TCHP: variants seen among roughly 807,000 people sequenced by gnomAD.
TCHP encodes the protein trichoplein keratin filament binding.
TCHP carries 81 observed loss-of-function variants against 88.7 expected under a neutral mutation model. That is an observed-to-expected ratio of 0.91 (90% confidence interval 0.76 to 1.10). TCHP has a LOEUF of 1.10. Ranked by LOEUF, TCHP falls within the 50% of genes least tolerant of loss-of-function variation. The pLI is 0.00. For synonymous variants in TCHP, 232 were observed against 232.5 expected (o/e 1.00, Z 0.02); for missense variants, 641 against 632.1 (o/e 1.01, Z -0.15).
At position 109,903,118 on chromosome 12, in the gene TCHP, G is replaced by A. The variant is rs774736146; in HGVS notation, c.92G>A (p.Arg31Gln). The part of the protein sequence containing the change: ...ARQREQEARL[R>Q]QQWEQNSRYF... Reference sequence around the variant, plus strand: ...CAGCGAGAGCAGGAGGCCCGGCTTCGGCAGCAGTGGGAGCAGAACAGCCGT... The same window carrying A: ...CAGCGAGAGCAGGAGGCCCGGCTTCAGCAGCAGTGGGAGCAGAACAGCCGT... Residue 31 changes from arginine (R) to glutamine (Q), a missense_variant, in exon 2 of 13, where the codon CGG becomes CAG. By Grantham distance (43) the Arg-to-Gln change is conservative (BLOSUM62 1). Transcript: ENST00000405876. This position sits in a 1 kb window ranked among gnomAD's most constrained non-coding sequence, Gnocchi z 4.6. 4 of 1,613,788 alleles carry A rather than the reference G, an allele frequency of 2.5e-6. No homozygotes were observed. Among genetic ancestry groups the A allele is most frequent in the East Asian group, 2.2e-5 (1 of 44,888 alleles).
the TCHP span, chr12:109,880,872 G>T: frequency 6.6e-6 from 1 of 152,310 alleles, no homozygotes; most frequent in East Asian, 1.9e-4. This position sits in a 1 kb window ranked among gnomAD's most constrained non-coding sequence, Gnocchi z 5.1. Flanking sequence ...CAGGACCCCC[G>T]TTTCCCCCAA....
the TCHP span, among the ~76,000 whole-genome samples, chr12:109,883,105 C>G: frequency 1.8e-4 from 27 of 150,524 alleles, no homozygotes; most frequent in African/African-American, 5.9e-4. Context: ...GTGATCACAG[C>G]TCCCTGCAGC....
chr12:109,898,470 A>G (rs1034298385), upstream of TCHP, among the ~76,000 whole-genome samples: 26 of 152,208 alleles, frequency 1.7e-4, no homozygotes, highest in Admixed American at 6.5e-5. Context: ...TTGGCCTCCC[A>G]AAGTGCTGGG....
Position 109,907,629 on chromosome 12 carries a change from A to G in TCHP, c.629A>G (p.Gln210Arg). The change falls in exon 6 of 13, where the codon CAG becomes CGG. Residue 210 changes from glutamine to arginine, a missense_variant. Coordinates refer to ENST00000405876, the MANE Select transcript of TCHP (RefSeq NM_001143852.2). ...ATGAAAGCTGAAGAGGAGAGGAGGC[A>G]GCTGGAGGACAAGCTCCAGGCCGAG... Reference protein sequence around the residue: ...ERMKAEEERRQLEDKLQAEAL... With the variant: ...ERMKAEEERRRLEDKLQAEAL... 1 of 1,614,204 alleles carries G rather than the reference A, an allele frequency of 6.2e-7. No homozygotes were observed. The highest frequency in any genetic ancestry group is 8.5e-7 in the Non-Finnish European group (1 of 1,180,034).
At chr12:109,885,583 C>T in the TCHP span, among the ~76,000 whole-genome samples, 2 of 149,490 alleles carry the variant, frequency 1.3e-5, no homozygotes, top group African/African-American at 4.9e-5. Context: ...TCCAGGTTCG[C>T]GCCATTCTCC....
the TCHP span, among the ~76,000 whole-genome samples, chr12:109,882,946 C>T: frequency 5.3e-5 from 8 of 151,658 alleles, no homozygotes; most frequent in African/African-American, 1.5e-4. Context: ...TGTGAACCAC[C>T]GCGCCTGGCC....
chr12:109,914,820 G>T (rs1054927292), intron 11 of TCHP, 193 bp downstream of exon 11: 1 of 553,774 alleles, frequency 1.8e-6, no homozygotes, highest in Non-Finnish European at 3.2e-6. Context: ...CCTCCATGTC[G>T]TGTGGGTGAG....
At chr12:109,904,672 T>G (rs1592906958) in intron 3 of TCHP, 65 bp from the exon 4 acceptor site, 2 of 1,496,378 alleles carry the variant, frequency 1.3e-6, no homozygotes, top group East Asian at 4.5e-5. Context: ...CCACTGTGTG[T>G]CATCCAAAAT....
upstream of TCHP, among the ~76,000 whole-genome samples, chr12:109,895,633 T>C (rs905028412): frequency 3.3e-5 from 5 of 151,992 alleles, no homozygotes; most frequent in Non-Finnish European, 7.4e-5. Flanking sequence ...TGGGGTGGGG[T>C]GTGAAGCAAG....
At position 109,905,381 on chromosome 12, in the gene TCHP, G is replaced by A. The variant is rs1368422092; in HGVS notation, c.456+588G>A. Among the ~76,000 whole-genome samples the A allele has an allele frequency of 6.6e-6, 1 of 152,182 alleles. No individual in the cohort carries two copies. The highest frequency in any genetic ancestry group is 2.4e-5 in the African/African-American group (1 of 41,436). Reference sequence around the variant, plus strand: ...GGCGAGGCAGAGGGTGCCAGACATCGGAAGAGCTTGTGTGACCTTCCTCCA... The same window carrying A: ...GGCGAGGCAGAGGGTGCCAGACATCAGAAGAGCTTGTGTGACCTTCCTCCA... On this transcript the variant is annotated intron_variant, in intron 4 of 12. Transcript: ENST00000405876. This position sits in a 1 kb window ranked among gnomAD's most constrained non-coding sequence, Gnocchi z 4.0.
At chr12:109,892,039 T>A in the TCHP span, among the ~76,000 whole-genome samples, 1 of 151,946 alleles carries the variant, frequency 6.6e-6, no homozygotes, top group Non-Finnish European at 1.5e-5. Context: ...ATACAAAAAT[T>A]AGCTGGGCGT....
At chr12:109,912,073 C>T (rs1021668835) in intron 9 of TCHP, among the ~76,000 whole-genome samples, 2 of 152,148 alleles carry the variant, frequency 1.3e-5, no homozygotes, top group African/African-American at 2.4e-5. Flanking sequence ...GGATTACAGG[C>T]GTGAGCCACT....
chr12:109,903,870 C>T lies in TCHP; in HGVS notation c.189-67C>T. The T allele has an allele frequency of 7.4e-7, 1 of 1,344,198 alleles. No individual in the cohort carries two copies. 83.3% of individuals were successfully genotyped at this position (1,344,198 alleles called of 1,614,324 possible). ...TCTACCTCAGCCTCTTTTACCGACA[C>T]AGCAGAGCAGAGCACGTTCCCTGTG... On this transcript the variant is annotated intron_variant, in intron 2 of 12. Transcript: ENST00000405876. The surrounding 1 kb of genome is among the most constrained non-coding windows in gnomAD (Gnocchi z 4.6).
chr12:109,909,095 G>A (rs1870333809), intron 8 of TCHP, among the ~76,000 whole-genome samples, 158 bp downstream of exon 8: 1 of 152,234 alleles, frequency 6.6e-6, no homozygotes, highest in South Asian at 2.1e-4. Flanking sequence ...TCGGTTGGGA[G>A]ATCTGGGAGT....
upstream of TCHP, among the ~76,000 whole-genome samples, chr12:109,897,390 C>T (rs1869587682): frequency 1.3e-5 from 2 of 152,084 alleles, no homozygotes; most frequent in East Asian, 1.9e-4. Flanking sequence ...GCATGCTGGT[C>T]GAGCCCTAAG....
chr12:109,892,269 G>A, the TCHP span, among the ~76,000 whole-genome samples: 1 of 152,220 alleles, frequency 6.6e-6, no homozygotes, highest in African/African-American at 2.4e-5. Flanking sequence ...GACCTGGTCA[G>A]AGGGAATCAG....
At chr12:109,900,563 C>A (rs762128629) in intron 1 of TCHP, 137 bp downstream of exon 1, 4 of 152,258 alleles carry the variant, frequency 2.6e-5, no homozygotes, top group Non-Finnish European at 5.9e-5. Flanking sequence ...GCGCTCCCCA[C>A]GCGCTGTGAC....
intron 4 of TCHP, among the ~76,000 whole-genome samples, chr12:109,906,024 C>T (rs1870105911): frequency 6.6e-6 from 1 of 152,178 alleles, no homozygotes; most frequent in Non-Finnish European, 1.5e-5. Flanking sequence ...GTTTCCCAAA[C>T]AAAAGATTTG....
the TCHP span, among the ~76,000 whole-genome samples, chr12:109,892,655 A>C: frequency 2.0e-4 from 30 of 152,110 alleles, no homozygotes; most frequent in Non-Finnish European, 3.7e-4. Context: ...GACTGACCTG[A>C]TGCCCCATTT....
Sources: allele counts gnomAD v4.1 joint callset (sites outside exome capture counted in the v4.1 genomes callset), GRCh38; gene constraint gnomAD v4.1.1; non-coding constraint Gnocchi (gnomAD v3.1); transcripts MANE v1.5; gene names NCBI Gene and HGNC (gene_info 2026-07-23, HGNC 2026-07-21).